Variants in TNR observed in about 807,000 individuals in gnomAD.
TNR encodes the protein tenascin R.
Under a neutral mutation model 150.4 loss-of-function variants are expected in TNR, and 45 were observed. The observed-to-expected ratio is 0.30, with a 90% CI of 0.24 to 0.38. TNR has a LOEUF of 0.38. Among genes scored for constraint, TNR ranks in the 10% least tolerant of loss-of-function variants. The pLI is 1.00. For synonymous variants in TNR, 687 were observed against 678.4 expected (o/e 1.01, Z -0.20); for missense variants, 1,544 against 1,759.1 (o/e 0.88, Z 2.19).
rs561319156 is a variant in TNR at position 175,731,837 on chromosome 1, T to G, written c.-165+11389A>C. 1.7e-4 allele frequency among the ~76,000 whole-genome samples: 26 copies of G among 152,306 alleles called. No individual in the cohort carries two copies. The South Asian group carries it at 5.0e-3, about 29-fold the overall frequency. ...CTGATGCAAAAGCTAAACCCTAGCT[T>G]CTAACCCAGCCTGCACTGGGGTTCT... On this transcript the variant is annotated intron_variant, in intron 1 of 22. Transcript: ENST00000367674.
chr1:175,466,730 G>A (rs1657050007), intron 2 of TNR, among the ~76,000 whole-genome samples: 1 of 152,214 alleles, frequency 6.6e-6, no homozygotes, highest in Non-Finnish European at 1.5e-5. Context: ...TGATGCTGTG[G>A]AGAGCTTGTT....
At chr1:175,634,612 C>T (rs1664438140) in intron 1 of TNR, among the ~76,000 whole-genome samples, 1 of 152,132 alleles carries the variant, frequency 6.6e-6, no homozygotes, top group African/African-American at 2.4e-5. Context: ...CAAGACAGGA[C>T]TCATGGGCTT....
At position 175,393,863 on chromosome 1, in the gene TNR, T is replaced by C. The variant is rs1653294912; in HGVS notation, c.1273A>G (p.Thr425Ala). The C allele has an allele frequency of 1.2e-6, 2 of 1,614,180 alleles. No homozygotes were observed. Among genetic ancestry groups the C allele is most frequent in the African/African-American group, 1.3e-5 (1 of 75,044 alleles). The change falls in exon 6 of 23, where the codon ACG (threonine) becomes GCG (alanine). Residue 425 changes from threonine to alanine, a missense_variant. Physicochemically the swap from Thr to Ala is moderately conservative, Grantham distance 58. Coordinates refer to ENST00000367674, the MANE Select transcript of TNR (RefSeq NM_003285.3). ...LSTPQGLQFK[T>A]ITETTVEVQW... The stretch of plus-strand genomic sequence containing the variant: ...ACCTCCACGGTGGTCTCTGTGATCG[T>C]CTTAAATTGTAGCCCTTGAGGAGTG...
chr1:175,409,104 G>A (rs1654090952), intron 2 of TNR, among the ~76,000 whole-genome samples: 1 of 152,196 alleles, frequency 6.6e-6, no homozygotes, highest in Non-Finnish European at 1.5e-5. Context: ...ATCCCTAGGC[G>A]TGACTTTCTT....
intron 2 of TNR, among the ~76,000 whole-genome samples, chr1:175,425,027 T>C (rs1052520637): frequency 6.6e-6 from 1 of 151,978 alleles, no homozygotes; most frequent in African/African-American, 2.4e-5. Flanking sequence ...ATTCTTGGAG[T>C]AATTCTCACC....
Position 175,393,608 on chromosome 1 carries a change from A to C in TNR, c.1356+172T>G, listed in dbSNP as rs145607554. 3.1e-4 allele frequency among the ~76,000 whole-genome samples: 47 copies of C among 152,294 alleles called. No individual in the cohort carries two copies. The East Asian group carries it at 8.3e-3, about 27-fold the overall frequency. Reference sequence around the variant, plus strand: ...ACTCTTGTCAGCAGGTCGTTACCACATATTTGTCACAGAAATGTTCTATAT... The same window carrying C: ...ACTCTTGTCAGCAGGTCGTTACCACCTATTTGTCACAGAAATGTTCTATAT... On this transcript the variant is annotated intron_variant, in intron 6 of 22. Transcript: ENST00000367674.
At chr1:175,626,039 G>A (rs923096634) in intron 1 of TNR, among the ~76,000 whole-genome samples, 1 of 152,096 alleles carries the variant, frequency 6.6e-6, no homozygotes, top group Admixed American at 6.5e-5. Flanking sequence ...TAAGTTTCAC[G>A]AGGTCTGATG....
Position 175,363,716 on chromosome 1 carries a change from G to A in TNR, c.2699C>T (p.Pro900Leu). 1 of 1,613,122 alleles carries A rather than the reference G, an allele frequency of 6.2e-7. No individual in the cohort carries two copies. Among genetic ancestry groups the A allele is most frequent in the South Asian group, 1.1e-5 (1 of 90,836 alleles). Residue 900 changes from proline to leucine, a missense_variant, in exon 13 of 23, where the codon CCC becomes CTC. Transcript: ENST00000367674. ...TCAAATCACTTTGTTACCTTGGGTG[G>A]GTCGATATGATACTCGGTAGTAATC... ...SFDYYRVSYR[P>L]TQVGRLDSSV... is the part of the protein sequence containing the mutation.
At chr1:175,591,182 A>G (rs1662783239) in intron 1 of TNR, among the ~76,000 whole-genome samples, 1 of 151,866 alleles carries the variant, frequency 6.6e-6, no homozygotes, top group Non-Finnish European at 1.5e-5. Context: ...GCCTCCATTC[A>G]CTCCTCTGTA....
At chr1:175,569,490 T>A (rs1661777312) in intron 1 of TNR, among the ~76,000 whole-genome samples, 1 of 152,198 alleles carries the variant, frequency 6.6e-6, no homozygotes. Context: ...GCTGACGATA[T>A]AATTGTTGGG....
rs1332290650 is a variant in TNR, at chr1:175,319,469, T to G, written c.*3888A>C. The G allele has an allele frequency of 1.3e-5, 2 of 152,310 alleles. No homozygotes were observed. Among genetic ancestry groups the G allele is most frequent in the African/African-American group, 4.8e-5 (2 of 41,458 alleles). 9.4% of individuals were successfully genotyped at this position (152,310 alleles called of 1,614,324 possible). On this transcript the variant is annotated 3_prime_UTR_variant, in exon 23 of 23. Transcript: ENST00000367674. ...TAAAAATGTGATTAGGATTGTTTGG[T>G]TTGGCATTGAGGTTATTGGCAACCA...
intron 1 of TNR, among the ~76,000 whole-genome samples, chr1:175,681,611 G>A (rs949074608): frequency 1.3e-5 from 2 of 152,190 alleles, no homozygotes; most frequent in African/African-American, 4.8e-5. Context: ...GGGATGGCTT[G>A]TGTTTTATTC....
chr1:175,524,528 C>G (rs1354230563), intron 2 of TNR, among the ~76,000 whole-genome samples: 2 of 152,000 alleles, frequency 1.3e-5, no homozygotes, highest in Non-Finnish European at 2.9e-5. Flanking sequence ...ATGGGTGGAT[C>G]AGGCTATAGA....
chr1:175,479,244 C>T (rs1657674771), intron 2 of TNR, among the ~76,000 whole-genome samples: 1 of 152,218 alleles, frequency 6.6e-6, no homozygotes, highest in Non-Finnish European at 1.5e-5. Context: ...GGGAAAGACA[C>T]TCTCTCCACT....
chr1:175,606,854 G>A (rs995408549), intron 1 of TNR, among the ~76,000 whole-genome samples: 1 of 152,196 alleles, frequency 6.6e-6, no homozygotes, highest in East Asian at 1.9e-4. Flanking sequence ...GCAACATGGG[G>A]TCAAGTCTGA....
At chr1:175,531,026 T>C (rs1265871226) in intron 1 of TNR, among the ~76,000 whole-genome samples, 1 of 152,140 alleles carries the variant, frequency 6.6e-6, no homozygotes, top group Non-Finnish European at 1.5e-5. Flanking sequence ...GAGAGGGACA[T>C]GGGAACTTGT....
chr1:175,628,449 G>A (rs1664222031), intron 1 of TNR, among the ~76,000 whole-genome samples: 2 of 151,936 alleles, frequency 1.3e-5, no homozygotes, highest in Admixed American at 6.5e-5. Context: ...CACCAGCATG[G>A]CACATGTATA....
At chr1:175,738,669 AC>A (rs1297119695) in intron 1 of TNR, among the ~76,000 whole-genome samples, 2 of 152,204 alleles carry the variant, frequency 1.3e-5, no homozygotes, top group Non-Finnish European at 2.9e-5. Context: ...AGAGAAAAAA[AC>A]AAGGTTGCTT....
At position 175,363,750 on chromosome 1, in the gene TNR, C is replaced by T; in HGVS notation, c.2665G>A (p.Ala889Thr). Residue 889 changes from alanine to threonine, a missense_variant, in exon 13 of 23, where the codon GCA becomes ACA. Transcript: ENST00000367674. The stretch of plus-strand genomic sequence containing the variant: ...GATACTCGGTAGTAATCGAAAGATG[C>T]AACAGGAGGGCTCCAGGAGACCATC... ...SVMVSWSPPVASFDYYRVSYR... is the reference protein window; with the variant it reads ...SVMVSWSPPVTSFDYYRVSYR... 6.2e-7 allele frequency: 1 copy of T among 1,613,842 alleles called. No individual in the cohort carries two copies. The highest frequency in any genetic ancestry group is 8.5e-7 in the Non-Finnish European group (1 of 1,179,820).
Sources: gnomAD v4.1 joint callset for allele counts (sites outside exome capture counted in the v4.1 genomes callset) on GRCh38, gnomAD v4.1.1 for gene constraint, MANE v1.5 for transcripts, NCBI Gene and HGNC (gene_info 2026-07-23, HGNC 2026-07-21) for gene names.